Variants in RALYL observed in about 807,000 individuals in gnomAD.
RALYL encodes the protein RNA-binding Raly-like protein.
RALYL carries 29 observed loss-of-function variants against 35.1 expected under a neutral mutation model. The ratio of observed to expected loss-of-function variants is 0.83; its 90% CI spans 0.61 to 1.13. The LOEUF is 1.13. Among genes scored for constraint, RALYL ranks in the 50% most tolerant of loss-of-function variants. The pLI, the probability that RALYL is intolerant of heterozygous loss-of-function variation, is 0.00. For missense variants in RALYL, 359 were observed against 360.4 expected (o/e 1.00, Z 0.03); for synonymous variants, 120 against 127.6 (o/e 0.94, Z 0.40).
At chr8:84,195,300 T>G in intron 1 of RALYL, among the ~76,000 whole-genome samples, 1 of 151,926 alleles carries the variant, frequency 6.6e-6, no homozygotes, top group East Asian at 1.9e-4. Context: ...ATTAGCTGGG[T>G]GTGGTGGCAT....
At chr8:84,545,353 G>A (rs2060284306) in intron 2 of RALYL, among the ~76,000 whole-genome samples, 2 of 151,972 alleles carry the variant, frequency 1.3e-5, no homozygotes, top group Admixed American at 6.6e-5. Context: ...TCATCTGGCT[G>A]GACAGTCCTA....
At chr8:84,821,581 C>G (rs368478674) in intron 4 of RALYL, among the ~76,000 whole-genome samples, 1 of 152,134 alleles carries the variant, frequency 6.6e-6, no homozygotes, top group South Asian at 2.1e-4. Context: ...AGTTTTAAAG[C>G]CTCACTTCCC....
At chr8:84,469,959 G>C (rs990089818) in intron 1 of RALYL, among the ~76,000 whole-genome samples, 4 of 152,174 alleles carry the variant, frequency 2.6e-5, no homozygotes, top group Admixed American at 6.5e-5. Context: ...CTGACCCCTT[G>C]CGCTTCCCAA....
chr8:84,714,980 A>G (rs1842749116), intron 2 of RALYL, among the ~76,000 whole-genome samples: 2 of 152,026 alleles, frequency 1.3e-5, no homozygotes, highest in South Asian at 4.1e-4. Context: ...AAAAAATGAA[A>G]GTATGTTCAG....
intron 7 of RALYL, among the ~76,000 whole-genome samples, chr8:84,885,365 G>GA (rs563675673): frequency 3.0e-4 from 46 of 151,754 alleles, no homozygotes; most frequent in Middle Eastern, 3.4e-3. Flanking sequence ...TCTATATTTA[G>GA]AAAAAATCTT....
chr8:84,498,266 G>A (rs1187281694), intron 1 of RALYL, among the ~76,000 whole-genome samples: 1 of 151,836 alleles, frequency 6.6e-6, no homozygotes, highest in Non-Finnish European at 1.5e-5. Flanking sequence ...TCTTCAGCTT[G>A]CGAGTTGTAG....
intron 1 of RALYL, among the ~76,000 whole-genome samples, chr8:84,348,896 T>C (rs1249356264): frequency 6.7e-6 from 1 of 150,044 alleles, no homozygotes; most frequent in Admixed American, 6.6e-5. Context: ...ATAGGTTAAC[T>C]ATGATTAACT....
intron 1 of RALYL, among the ~76,000 whole-genome samples, chr8:84,497,962 T>G (rs1260262242): frequency 6.6e-6 from 1 of 151,888 alleles, no homozygotes; most frequent in Non-Finnish European, 1.5e-5. Context: ...TTTAAGTTTT[T>G]TTTTTTTTTG....
At chr8:84,568,968 T>C (rs1401811268) in intron 2 of RALYL, among the ~76,000 whole-genome samples, 1 of 149,950 alleles carries the variant, frequency 6.7e-6, no homozygotes, top group African/African-American at 2.4e-5. Flanking sequence ...GATGAGTAGG[T>C]TGCGAAAATT....
In RALYL at chr8:84,529,595, A is replaced by T; in HGVS notation, c.256+18A>T. The T allele has an allele frequency of 6.3e-7, 1 of 1,599,750 alleles. No individual in the cohort carries two copies. The highest frequency in any genetic ancestry group is 1.1e-5 in the South Asian group (1 of 90,514). On this transcript the variant is annotated intron_variant, in intron 2 of 8. Coordinates refer to ENST00000521268, the MANE Select transcript of RALYL (RefSeq NM_173848.7). ...ACCACTTGGTAAGTCATGCTCAGAC[A>T]TGGATCTCACGTTATTGTTCATATA...
At chr8:84,621,624 G>A (rs1033201689) in intron 2 of RALYL, among the ~76,000 whole-genome samples, 8 of 152,072 alleles carry the variant, frequency 5.3e-5, no homozygotes, top group South Asian at 2.1e-4. Context: ...CTCCTCCCCC[G>A]ACTATAGAAC....
intron 1 of RALYL, among the ~76,000 whole-genome samples, chr8:84,277,549 AAGTCCAC>A (rs1835658539): frequency 1.3e-5 from 2 of 152,146 alleles, no homozygotes; most frequent in African/African-American, 4.8e-5. Context: ...ATTAACTCAA[AAGTCCAC>A]AGTCCAAAGT....
chr8:84,419,292 C>A (rs1197861172), intron 1 of RALYL, among the ~76,000 whole-genome samples: 3 of 152,078 alleles, frequency 2.0e-5, no homozygotes, highest in Non-Finnish European at 2.9e-5. Context: ...TTTTCTTGAG[C>A]CTTTTGGTAT....
intron 1 of RALYL, among the ~76,000 whole-genome samples, chr8:84,259,893 A>G (rs947221370): frequency 6.6e-6 from 1 of 152,178 alleles, no homozygotes; most frequent in Non-Finnish European, 1.5e-5. Flanking sequence ...AGGATCCCCA[A>G]GAACGGAGAC....
At chr8:84,462,701 A>G (rs2050954946) in intron 1 of RALYL, among the ~76,000 whole-genome samples, 1 of 148,150 alleles carries the variant, frequency 6.7e-6, no homozygotes, top group Non-Finnish European at 1.5e-5. Context: ...TTATTTACTG[A>G]GTTTCTAGTC....
intron 1 of RALYL, among the ~76,000 whole-genome samples, chr8:84,417,672 C>A (rs1239045859): frequency 6.6e-6 from 1 of 151,868 alleles, no homozygotes; most frequent in Non-Finnish European, 1.5e-5. Flanking sequence ...GTGTGGATTC[C>A]TTTTAGGCTA....
intron 4 of RALYL, among the ~76,000 whole-genome samples, chr8:84,827,129 A>C (rs62526863): frequency 0.027 from 4,131 of 152,216 alleles, 107 homozygotes; most frequent in South Asian, 0.09. Context: ...TGAACTTAAA[A>C]GATCAAAAAG....
intron 2 of RALYL, among the ~76,000 whole-genome samples, chr8:84,722,737 A>G (rs932225807): frequency 6.7e-6 from 1 of 148,768 alleles, no homozygotes; most frequent in Non-Finnish European, 1.5e-5. Flanking sequence ...AATATTATAC[A>G]TATCACTCTA....
chr8:84,753,050 C>T (rs973788814), intron 2 of RALYL, among the ~76,000 whole-genome samples: 1 of 152,254 alleles, frequency 6.6e-6, no homozygotes. Flanking sequence ...CAGTTCCAGC[C>T]CCTGAGAGCA....
Sources: gnomAD v4.1 joint callset for allele counts (sites outside exome capture counted in the v4.1 genomes callset) on GRCh38, gnomAD v4.1.1 for gene constraint, MANE v1.5 for transcripts, NCBI Gene and HGNC (gene_info 2026-07-23, HGNC 2026-07-21) for gene names.